FRMPD4: variants seen among roughly 807,000 people sequenced by gnomAD.
FRMPD4 encodes the protein FERM and PDZ domain-containing protein 4.
A neutral mutation model predicts 94.1 loss-of-function variants in FRMPD4; 22 were observed. That is an observed-to-expected ratio of 0.23 (90% CI 0.17 to 0.33). The LOEUF is 0.33. Ranked by LOEUF, FRMPD4 falls within the 10% of genes least tolerant of loss-of-function variation. The pLI, the probability that FRMPD4 is intolerant of heterozygous loss-of-function variation, is 1.00. For synonymous variants in FRMPD4, 631 were observed against 548.6 expected, an observed-to-expected ratio of 1.15 and a Z score of -2.10; for missense variants, 1,111 against 1,339.9, an observed-to-expected ratio of 0.83 and a Z score of 2.67.
Position 12,138,854 on chromosome X carries a change from C to A in FRMPD4, c.-118C>A. 1.8e-6 allele frequency: 1 copy of A among 552,565 alleles called. No homozygotes were observed. Among genetic ancestry groups the A allele is most frequent in the Non-Finnish European group, 2.7e-6 (1 of 377,130 alleles). 45.5% of individuals were successfully genotyped at this position (552,565 alleles called of 1,213,427 possible). On this transcript the variant is annotated 5_prime_UTR_variant, in exon 1 of 17. Transcript: ENST00000675598. ...TCCGGCCGCCGCCGCCACCCGCTGT[C>A]GCCGCGACTCGAGCCCCGGGCGCAC...
intron 3 of FRMPD4, among the ~76,000 whole-genome samples, chrX:11,908,457 CAG>C (rs1052037578): frequency 1.8e-5 from 2 of 112,329 alleles, no homozygotes; most frequent in Non-Finnish European, 3.8e-5. Flanking sequence ...CTCAAACTAA[CAG>C]AGTTATGGAC....
chrX:12,505,229 T>A (rs2057967932), intron 2 of FRMPD4, among the ~76,000 whole-genome samples: 1 of 111,851 alleles, frequency 8.9e-6, no homozygotes, highest in Admixed American at 9.4e-5. Flanking sequence ...TCTGGACCTC[T>A]TCTTTCTAGA....
At chrX:12,584,966 G>A (rs969446415) in intron 2 of FRMPD4, among the ~76,000 whole-genome samples, 7 of 111,241 alleles carry the variant, frequency 6.3e-5, no homozygotes, top group African/African-American at 2.3e-4. Context: ...TGTTGCTCAT[G>A]CTGGAGTGCA....
In FRMPD4 at chrX:11,975,038, G is replaced by T. The variant is rs997083401; in HGVS notation, c.95+97020G>T. On this transcript the variant is annotated intron_variant, in intron 3 of 18. Coordinates refer to the FRMPD4 transcript ENST00000640291. The stretch of plus-strand genomic sequence containing the variant: ...GAAGGAGGTCAGCTTAAGTCAAAAG[G>T]GTAAGCAGGAGTCAGACAAACAAGG... 3.6e-5 allele frequency among the ~76,000 whole-genome samples: 4 copies of T among 111,950 alleles called. 1 individual carries two copies. The highest frequency in any genetic ancestry group is 7.5e-5 in the Non-Finnish European group (4 of 53,184).
At chrX:12,442,668 A>T (rs1452132308) in intron 1 of FRMPD4, among the ~76,000 whole-genome samples, 1 of 111,578 alleles carries the variant, frequency 9.0e-6, no homozygotes, top group Non-Finnish European at 1.9e-5. Context: ...GAACAGTCTG[A>T]CTGGCTGTTC....
At chrX:12,435,779 TAGA>T (rs2057059791) in intron 1 of FRMPD4, among the ~76,000 whole-genome samples, 1 of 111,530 alleles carries the variant, frequency 9.0e-6, no homozygotes, top group Non-Finnish European at 1.9e-5. Context: ...ATCATTTTAC[TAGA>T]AGTTTACTTG....
At chrX:12,574,796 C>T (rs1052664817) in intron 2 of FRMPD4, among the ~76,000 whole-genome samples, 1 of 112,447 alleles carries the variant, frequency 8.9e-6, no homozygotes, top group Admixed American at 9.4e-5. Context: ...GGCATAAGCA[C>T]TGTGCCCAGC....
At chrX:12,322,368 T>C (rs2055220026) in intron 1 of FRMPD4, among the ~76,000 whole-genome samples, 1 of 111,200 alleles carries the variant, frequency 9.0e-6, no homozygotes, top group South Asian at 3.8e-4. Context: ...TTGAAGGATG[T>C]CAGGGGAATG....
intron 2 of FRMPD4, among the ~76,000 whole-genome samples, chrX:12,515,538 G>A (rs1158785761): frequency 8.9e-6 from 1 of 111,767 alleles, no homozygotes; most frequent in African/African-American, 3.3e-5. Context: ...CAATTTGATG[G>A]CACTGTGATC....
chrX:12,517,820 T>TG (rs1211450653), intron 2 of FRMPD4, among the ~76,000 whole-genome samples: 2 of 113,070 alleles, frequency 1.8e-5, no homozygotes, highest in African/African-American at 6.4e-5. Flanking sequence ...CTAAGTCTGC[T>TG]GATCCATGGA....
chrX:12,312,586 A>G (rs1601807845), intron 1 of FRMPD4, among the ~76,000 whole-genome samples: 1 of 110,679 alleles, frequency 9.0e-6, no homozygotes, highest in East Asian at 2.8e-4. Flanking sequence ...TGTTCTTTGT[A>G]GATTTAAGGT....
chrX:12,499,544 C>A (rs1044444847), intron 2 of FRMPD4, among the ~76,000 whole-genome samples: 1 of 112,213 alleles, frequency 8.9e-6, no homozygotes, highest in Non-Finnish European at 1.9e-5. Flanking sequence ...CCCTTACCCC[C>A]TGGTGACATC....
intron 4 of FRMPD4, among the ~76,000 whole-genome samples, chrX:12,642,984 C>T (rs1266053891): frequency 2.7e-5 from 3 of 111,963 alleles, no homozygotes; most frequent in Admixed American, 1.9e-4. Context: ...AGAGTAGTTG[C>T]AGCCAACTAT....
intron 2 of FRMPD4, among the ~76,000 whole-genome samples, chrX:12,538,455 T>A: frequency 8.9e-6 from 1 of 111,880 alleles, no homozygotes; most frequent in Non-Finnish European, 1.9e-5. Context: ...AATATCCCTG[T>A]CTGACAGCTT....
Position 12,477,007 on chromosome X carries a change from T to G in FRMPD4, c.42-21673T>G, listed in dbSNP as rs750390387. On this transcript the variant is annotated intron_variant, in intron 1 of 16. Coordinates refer to ENST00000675598, the MANE Select transcript of FRMPD4 (RefSeq NM_001368397.1). ...GCTGCTATAAAGACACATGCACACGTATGTTTATTGTGGCACTATTCACAA... is the reference window on the plus strand; with the variant it reads ...GCTGCTATAAAGACACATGCACACGGATGTTTATTGTGGCACTATTCACAA... 7.2e-4 allele frequency among the ~76,000 whole-genome samples: 81 copies of G among 112,019 alleles called. 3 individuals carry two copies. The highest frequency in any genetic ancestry group is 6.1e-3 in the East Asian group (22 of 3,594).
chrX:12,341,767 C>A, intron 1 of FRMPD4: 1 of 206,189 alleles, frequency 4.8e-6, no homozygotes, highest in Non-Finnish European at 9.6e-6. Context: ...TTTATGTCTC[C>A]CAACAAAATG....
intron 1 of FRMPD4, among the ~76,000 whole-genome samples, chrX:11,830,911 G>T (rs1406357042): frequency 9.0e-6 from 1 of 111,462 alleles, no homozygotes; most frequent in Non-Finnish European, 1.9e-5. Flanking sequence ...TTGAGCAAAA[G>T]TCTTGCCTTA....
At chrX:11,880,012 G>T (rs1281056733) in intron 3 of FRMPD4, among the ~76,000 whole-genome samples, 1 of 112,665 alleles carries the variant, frequency 8.9e-6, no homozygotes, top group African/African-American at 3.2e-5. Context: ...TAAAGAGAGA[G>T]ATTTACTTTT....
At chrX:12,238,421 G>A (rs2057095520) in intron 1 of FRMPD4, among the ~76,000 whole-genome samples, 1 of 111,784 alleles carries the variant, frequency 8.9e-6, no homozygotes, top group Non-Finnish European at 1.9e-5. Context: ...TTACAGACAT[G>A]AGCCACCGCG....
Sources: gnomAD v4.1 joint callset for allele counts (sites outside exome capture counted in the v4.1 genomes callset) on GRCh38, gnomAD v4.1.1 for gene constraint, MANE v1.5 for transcripts, NCBI Gene and HGNC (gene_info 2026-07-23, HGNC 2026-07-21) for gene names.